CDH13: variants seen among roughly 807,000 people sequenced by gnomAD.
CDH13 encodes cadherin 13, also known as cadherin-13.
CDH13 carries 24 observed loss-of-function variants against 63.8 expected under a neutral mutation model. The ratio of observed to expected loss-of-function variants is 0.38; its 90% confidence interval spans 0.27 to 0.53. The LOEUF (loss-of-function observed/expected upper bound fraction) is 0.53. Among genes scored for constraint, CDH13 ranks in the 20% least tolerant of loss-of-function variants. CDH13 has a pLI of 0.85. For synonymous variants in CDH13, 503 were observed against 355.3 expected, an observed-to-expected ratio of 1.42 and a Z score of -4.67; for missense variants, 1,049 against 903.1, an observed-to-expected ratio of 1.16 and a Z score of -2.07.
chr16:82,640,876 A>G (rs753035193), intron 1 of CDH13, among the ~76,000 whole-genome samples: 4 of 152,228 alleles, frequency 2.6e-5, no homozygotes, highest in Admixed American at 1.3e-4. Flanking sequence ...CTGGACTACA[A>G]TTTTTAAGGC....
At chr16:83,116,151 A>G (rs57128975) in intron 3 of CDH13, among the ~76,000 whole-genome samples, 28,299 of 152,210 alleles carry the variant, frequency 0.19, 3,836 homozygotes, top group African/African-American at 0.39. Context: ...AGTCTGGCAG[A>G]CATAACAAAA....
chr16:82,997,305 C>T (rs1912355014), intron 2 of CDH13, among the ~76,000 whole-genome samples: 1 of 152,106 alleles, frequency 6.6e-6, no homozygotes, highest in African/African-American at 2.4e-5. Flanking sequence ...ACTCACAGTG[C>T]TCAGTATTGT....
At chr16:83,061,935 G>A (rs1245052643) in intron 3 of CDH13, among the ~76,000 whole-genome samples, 1 of 152,210 alleles carries the variant, frequency 6.6e-6, no homozygotes. Flanking sequence ...CCTCTAGAGA[G>A]GCTGTGAGAA....
intron 2 of CDH13, among the ~76,000 whole-genome samples, chr16:82,862,716 G>A (rs140816383): frequency 2.0e-5 from 3 of 152,356 alleles, no homozygotes; most frequent in East Asian, 1.9e-4. Flanking sequence ...GCATTAACAA[G>A]AGCAGGCTAG....
chr16:83,480,191 C>T, intron 6 of CDH13, among the ~76,000 whole-genome samples: 1 of 152,118 alleles, frequency 6.6e-6, no homozygotes, highest in South Asian at 2.1e-4. Context: ...TGGTGCGCAC[C>T]TATAGTCCCA....
chr16:82,978,579 G>T (rs535967868), intron 2 of CDH13, among the ~76,000 whole-genome samples: 2 of 152,224 alleles, frequency 1.3e-5, no homozygotes, highest in Non-Finnish European at 2.9e-5. Flanking sequence ...TTGTGGCTTC[G>T]GTGGGTGCAA....
At chr16:83,102,930 C>CTTTT (rs71148812) in intron 3 of CDH13, among the ~76,000 whole-genome samples, 22 of 96,920 alleles carry the variant, frequency 2.3e-4, no homozygotes, top group Non-Finnish European at 3.0e-4. Context: ...TTTTCTTTTT[C>CTTTT]TTTTTTTTTT....
chr16:82,922,265 CA>C (rs1267213776), intron 2 of CDH13, among the ~76,000 whole-genome samples: 1 of 151,978 alleles, frequency 6.6e-6, no homozygotes, highest in Non-Finnish European at 1.5e-5. Flanking sequence ...TTGTGTACTT[CA>C]AAGAAGCCAT....
At chr16:83,747,967 C>A (rs748647241) in intron 10 of CDH13, 141 bp from the exon 11 acceptor site, 68 of 849,486 alleles carry the variant, frequency 8.0e-5, no homozygotes, top group Non-Finnish European at 1.2e-4. Flanking sequence ...TGTGAATGAG[C>A]AACTGTAACA....
At chr16:83,627,843 G>C (rs1910452406) in intron 8 of CDH13, among the ~76,000 whole-genome samples, 1 of 152,220 alleles carries the variant, frequency 6.6e-6, no homozygotes, top group Admixed American at 6.5e-5. Flanking sequence ...CTACACCATA[G>C]ACAGAGCAGC....
chr16:83,033,155 T>A (rs546717676), intron 3 of CDH13, among the ~76,000 whole-genome samples: 2 of 152,212 alleles, frequency 1.3e-5, no homozygotes, highest in Non-Finnish European at 2.9e-5. Context: ...TACATCCACA[T>A]TTAATATATC....
At chr16:83,226,718 C>A (rs886722111) in intron 5 of CDH13, among the ~76,000 whole-genome samples, 4 of 152,196 alleles carry the variant, frequency 2.6e-5, no homozygotes, top group African/African-American at 9.6e-5. Context: ...TCCAGCCCAG[C>A]AGCCCAGCGA....
intron 7 of CDH13, among the ~76,000 whole-genome samples, chr16:83,502,603 G>T (rs140449491): frequency 1.5e-3 from 233 of 152,318 alleles, no homozygotes; most frequent in African/African-American, 5.6e-3. Flanking sequence ...TGAAAGAGAT[G>T]ACGTGTTAAA....
At chr16:82,970,028 G>C (rs979553439) in intron 2 of CDH13, among the ~76,000 whole-genome samples, 1 of 151,726 alleles carries the variant, frequency 6.6e-6, no homozygotes, top group Non-Finnish European at 1.5e-5. Flanking sequence ...ATGGTGGTTT[G>C]CTGCATCTGT....
chr16:82,869,298 G>C (rs1204961207), intron 2 of CDH13, among the ~76,000 whole-genome samples: 2 of 151,908 alleles, frequency 1.3e-5, no homozygotes, highest in Non-Finnish European at 2.9e-5. Flanking sequence ...GTCCTGATTC[G>C]ACCTCCCAAA....
At chr16:83,718,956 T>C (rs755216660) in intron 10 of CDH13, among the ~76,000 whole-genome samples, 29 of 152,180 alleles carry the variant, frequency 1.9e-4, no homozygotes, top group South Asian at 1.0e-3. Flanking sequence ...GCTGCATAGA[T>C]GAGCAAAGGC....
rs1909915399 is a variant in CDH13, at chr16:82,644,991, T to A, written c.45+17854T>A. Among the ~76,000 whole-genome samples, 1 of 152,162 alleles carries A rather than the reference T, an allele frequency of 6.6e-6. No individual in the cohort carries two copies. The highest frequency in any genetic ancestry group is 1.5e-5 in the Non-Finnish European group (1 of 68,030). The stretch of plus-strand genomic sequence containing the variant: ...TTAGAGAAGTGGACCAGATTGGGTT[T>A]TGTTTTTTCACAAATGAAAGTCTCT... On this transcript the variant is annotated intron_variant, in intron 1 of 13. Coordinates refer to ENST00000567109, the MANE Select transcript of CDH13 (RefSeq NM_001257.5). The surrounding 1 kb of genome is among the most constrained non-coding windows in gnomAD (Gnocchi z 5.7).
At chr16:83,356,639 G>A (rs2091063122) in intron 6 of CDH13, among the ~76,000 whole-genome samples, 1 of 152,014 alleles carries the variant, frequency 6.6e-6, no homozygotes, top group Admixed American at 6.6e-5. Flanking sequence ...TATATATACA[G>A]TAAGATTTTT....
intron 1 of CDH13, among the ~76,000 whole-genome samples, chr16:82,796,932 G>C (rs936606715): frequency 6.6e-6 from 1 of 152,166 alleles, no homozygotes; most frequent in African/African-American, 2.4e-5. Context: ...GATTACATGG[G>C]TAAGTTTGCT....
Sources: gnomAD v4.1 joint callset for allele counts (sites outside exome capture counted in the v4.1 genomes callset) on GRCh38, gnomAD v4.1.1 for gene constraint, Gnocchi (gnomAD v3.1) non-coding constraint, MANE v1.5 for transcripts, NCBI Gene and HGNC (gene_info 2026-07-23, HGNC 2026-07-21) for gene names.